Variants in DNAAF9 observed in about 807,000 individuals in gnomAD.
DNAAF9 encodes dynein axonemal assembly factor 9.
A neutral mutation model predicts 167.0 loss-of-function variants in DNAAF9; 90 were observed. That is an observed-to-expected ratio of 0.54 (90% CI 0.45 to 0.64). The LOEUF is 0.64. Among genes scored for constraint, DNAAF9 ranks in the 30% least tolerant of loss-of-function variants. DNAAF9 has a pLI of 0.00. For missense variants in DNAAF9, 1,315 were observed against 1,442.2 expected, an observed-to-expected ratio of 0.91 and a Z score of 1.43; for synonymous variants, 491 against 508.8, an observed-to-expected ratio of 0.96 and a Z score of 0.47.
chr20:3,272,821 T>A (rs945534015), intron 29 of DNAAF9, among the ~76,000 whole-genome samples: 15 of 152,116 alleles, frequency 9.9e-5, no homozygotes, highest in African/African-American at 2.4e-4. Flanking sequence ...TAATTATTTT[T>A]TTATTATTAT....
chr20:3,270,136 C>CTTTT lies in DNAAF9; in HGVS notation c.2786+287_2786+290dup, dbSNP rs56942768. Reference sequence around the variant, plus strand: ...GGCACGAGCCATTGTGCCCAGCCTGCTTTTTTTTTTTTTTTTTTTAAAGAG... The same window carrying CTTTT: ...GGCACGAGCCATTGTGCCCAGCCTGCTTTTTTTTTTTTTTTTTTTTTTTAAAGAG... On this transcript the variant is annotated intron_variant, in intron 30 of 36. Transcript: ENST00000252032. Among the ~76,000 whole-genome samples the CTTTT allele has an allele frequency of 4.4e-3, 557 of 125,448 alleles. 9 individuals are homozygous for CTTTT. Among genetic ancestry groups the CTTTT allele is most frequent in the African/African-American group, 0.016 (535 of 32,622 alleles). The allele number at this position is 125,448 out of a possible 152,430, so 82.3% of individuals were successfully genotyped here. A position where few individuals can be genotyped will look rare whatever the true frequency, so the allele number is the denominator to read the frequency against.
At chr20:3,357,232 G>A (rs1225563836) in intron 7 of DNAAF9, among the ~76,000 whole-genome samples, 1 of 152,180 alleles carries the variant, frequency 6.6e-6, no homozygotes, top group African/African-American at 2.4e-5. Flanking sequence ...AGCACTTTGG[G>A]AGGCCGAGGT....
Position 3,281,491 on chromosome 20 carries a change from T to A in DNAAF9, c.2612+150A>T, listed in dbSNP as rs2068763290. ...TTCCTCTCTCTTCTTTGGCTATAAG[T>A]CCAAAGGGGTCTATTGAGGACCTAG... On this transcript the variant is annotated intron_variant, in intron 28 of 36. Coordinates refer to ENST00000252032, the MANE Select transcript of DNAAF9 (RefSeq NM_001009984.3). 1.9e-5 allele frequency: 11 copies of A among 578,022 alleles called. No individual in the cohort carries two copies. In the South Asian group the frequency reaches 3.6e-4, roughly 19 times the overall value. 35.8% of individuals were successfully genotyped at this position (578,022 alleles called of 1,614,324 possible). A position where few individuals can be genotyped will look rare whatever the true frequency, so the allele number is the denominator to read the frequency against.
chr20:3,287,575 G>A (rs1253892725), intron 27 of DNAAF9, 57 bp downstream of exon 27: 3 of 1,542,844 alleles, frequency 1.9e-6, no homozygotes, highest in South Asian at 1.1e-5. Flanking sequence ...TAAAATAAGA[G>A]TAATGGCAAG....
At chr20:3,403,040 A>G (rs1262095136) in intron 1 of DNAAF9, among the ~76,000 whole-genome samples, 1 of 152,126 alleles carries the variant, frequency 6.6e-6, no homozygotes, top group African/African-American at 2.4e-5. Flanking sequence ...TCTCCCTGTT[A>G]CAGACATCTA....
chr20:3,293,103 C>T (rs993876758), intron 25 of DNAAF9, among the ~76,000 whole-genome samples: 9 of 150,788 alleles, frequency 6.0e-5, no homozygotes, highest in African/African-American at 2.2e-4. Flanking sequence ...ACCATCCTGG[C>T]TAACACGGTG....
rs756394932 is a variant in DNAAF9, at chr20:3,317,360, CAAAAA to C, written c.1469-572_1469-568del. On this transcript the variant is annotated intron_variant, in intron 17 of 36. Coordinates refer to ENST00000252032, the MANE Select transcript of DNAAF9 (RefSeq NM_001009984.3). ...TGGGTGACAGAGCAAGACCTTGTCT[CAAAAA>C]AAAAAAAAAAAAAAAACCCCAAAAC... Among the ~76,000 whole-genome samples the C allele has an allele frequency of 8.5e-3, 850 of 99,528 alleles. 9 individuals carry two copies. Among genetic ancestry groups the C allele is most frequent in the African/African-American group, 0.03 (811 of 27,404 alleles). The allele number at this position is 99,528 out of a possible 152,430, so 65.3% of individuals were successfully genotyped here.
At chr20:3,308,733 T>C (rs1213033561) in intron 20 of DNAAF9, among the ~76,000 whole-genome samples, 1 of 151,630 alleles carries the variant, frequency 6.6e-6, no homozygotes, top group African/African-American at 2.4e-5. Context: ...TCCCAGCACT[T>C]TGGGAGACTG....
chr20:3,329,818 G>A (rs1000279070), intron 12 of DNAAF9, among the ~76,000 whole-genome samples: 2 of 152,174 alleles, frequency 1.3e-5, no homozygotes, highest in Admixed American at 6.5e-5. Context: ...GAATTTAATA[G>A]TTTCAGCACT....
intron 20 of DNAAF9, among the ~76,000 whole-genome samples, chr20:3,311,591 T>C (rs563465874): frequency 6.6e-6 from 1 of 152,234 alleles, no homozygotes; most frequent in African/African-American, 2.4e-5. Context: ...GTCAAAATGA[T>C]ACTGCATGTT....
intron 31 of DNAAF9, among the ~76,000 whole-genome samples, chr20:3,262,095 A>C (rs917929103): frequency 6.6e-6 from 1 of 152,088 alleles, no homozygotes; most frequent in Non-Finnish European, 1.5e-5. Flanking sequence ...TATAGAGATG[A>C]GTAGGAGACT....
chr20:3,277,029 A>G (rs188290210), intron 29 of DNAAF9, among the ~76,000 whole-genome samples: 10 of 152,292 alleles, frequency 6.6e-5, no homozygotes, highest in Non-Finnish European at 1.0e-4. Flanking sequence ...TCAGCAGCAA[A>G]TAAGGAGGAA....
intron 29 of DNAAF9, among the ~76,000 whole-genome samples, chr20:3,271,701 A>T (rs6051703): frequency 0.2 from 29,646 of 150,734 alleles, 3,105 homozygotes; most frequent in African/African-American, 0.25. Context: ...AGCTCACTAC[A>T]GTCTCCACCT....
intron 7 of DNAAF9, among the ~76,000 whole-genome samples, chr20:3,354,339 A>G (rs958175990): frequency 3.3e-5 from 5 of 152,260 alleles, no homozygotes; most frequent in Non-Finnish European, 7.3e-5. Flanking sequence ...AGATTCTTCA[A>G]GGCCAAATCC....
intron 16 of DNAAF9, among the ~76,000 whole-genome samples, chr20:3,320,235 A>C (rs1413812195): frequency 6.6e-6 from 1 of 152,244 alleles, no homozygotes; most frequent in Admixed American, 6.5e-5. Flanking sequence ...ATGATATCAT[A>C]TGACACATTA....
intron 23 of DNAAF9, among the ~76,000 whole-genome samples, chr20:3,295,173 C>CT (rs200186084): frequency 0.065 from 9,346 of 143,696 alleles, 378 homozygotes; most frequent in Middle Eastern, 0.097. Flanking sequence ...CCAGCTCCCA[C>CT]TTTTTTTTTC....
chr20:3,301,100 G>A (rs1373241034), intron 21 of DNAAF9, among the ~76,000 whole-genome samples: 1 of 147,318 alleles, frequency 6.8e-6, no homozygotes, highest in Non-Finnish European at 1.5e-5. Context: ...TTGCAACCTT[G>A]AACTTCTGGG....
intron 9 of DNAAF9, 68 bp downstream of exon 9, chr20:3,343,608 G>T: frequency 7.9e-7 from 1 of 1,270,464 alleles, no homozygotes; most frequent in Non-Finnish European, 1.1e-6. Context: ...CACCCCCACA[G>T]CCAACCCCTT....
At chr20:3,361,840 G>A in intron 6 of DNAAF9, 3 of 1,441,546 alleles carry the variant, frequency 2.1e-6, no homozygotes, top group Admixed American at 1.8e-5. Flanking sequence ...TAAATCGAAT[G>A]TTGGGGGGAA....
Sources: allele counts gnomAD v4.1 joint callset (sites outside exome capture counted in the v4.1 genomes callset), GRCh38; gene constraint gnomAD v4.1.1; transcripts MANE v1.5; gene names NCBI Gene and HGNC (gene_info 2026-07-23, HGNC 2026-07-21).